Variants in NTRK3 observed in about 807,000 individuals in gnomAD.
NTRK3 encodes the protein NT-3 growth factor receptor.
A neutral mutation model predicts 91.7 loss-of-function variants in NTRK3; 24 were observed. The ratio of observed to expected loss-of-function variants is 0.26; its 90% CI spans 0.19 to 0.37. The LOEUF is 0.37. Ranked by LOEUF, NTRK3 falls within the 10% of genes least tolerant of loss-of-function variation. The pLI, the probability that NTRK3 is intolerant of heterozygous loss-of-function variation, is 1.00. For synonymous variants in NTRK3, 483 were observed against 404.0 expected, an observed-to-expected ratio of 1.20 and a Z score of -2.34; for missense variants, 880 against 1,068.9, an observed-to-expected ratio of 0.82 and a Z score of 2.46.
At chr15:88,015,821 G>C (rs2077195964) in intron 14 of NTRK3, among the ~76,000 whole-genome samples, 2 of 152,110 alleles carry the variant, frequency 1.3e-5, no homozygotes, top group South Asian at 4.1e-4. Context: ...TTATTCTGGA[G>C]TTGGCACTGT....
At chr15:87,994,511 A>G (rs1215946889) in intron 14 of NTRK3, among the ~76,000 whole-genome samples, 1 of 152,204 alleles carries the variant, frequency 6.6e-6, no homozygotes, top group African/African-American at 2.4e-5. Context: ...AAGCTAGAAG[A>G]GGGGCCTGGA....
At chr15:87,991,624 G>A (rs1001692259) in intron 14 of NTRK3, among the ~76,000 whole-genome samples, 1 of 152,052 alleles carries the variant, frequency 6.6e-6, no homozygotes, top group African/African-American at 2.4e-5. Context: ...CTTTCTGACA[G>A]GCCAATTCTC....
At chr15:88,242,353 T>C (rs1227551138) in intron 3 of NTRK3, among the ~76,000 whole-genome samples, 4 of 152,200 alleles carry the variant, frequency 2.6e-5, no homozygotes, top group Admixed American at 1.3e-4. Flanking sequence ...TGTTATCACA[T>C]TCAGTACACC....
intron 13 of NTRK3, among the ~76,000 whole-genome samples, chr15:88,088,945 C>T (rs2048757744): frequency 6.6e-6 from 1 of 152,140 alleles, no homozygotes; most frequent in African/African-American, 2.4e-5. Flanking sequence ...TCTTAGGTTC[C>T]TCTGAGGGTC....
At chr15:88,188,566 G>C (rs888459239) in intron 3 of NTRK3, among the ~76,000 whole-genome samples, 2 of 152,210 alleles carry the variant, frequency 1.3e-5, no homozygotes, top group African/African-American at 2.4e-5. Context: ...ATTAAAGCAA[G>C]AGTCTCATGG....
chr15:88,251,518 G>A (rs1395557027), intron 3 of NTRK3, among the ~76,000 whole-genome samples: 1 of 152,238 alleles, frequency 6.6e-6, no homozygotes, highest in African/African-American at 2.4e-5. Context: ...CCGAGGGGAG[G>A]CTGGAGACCA....
chr15:88,256,625 C>T lies in NTRK3; in HGVS notation c.-219+19G>A. 1 of 460,784 alleles carries T rather than the reference C, an allele frequency of 2.2e-6. No homozygotes were observed. The highest frequency in any genetic ancestry group is 6.5e-5 in the South Asian group (1 of 15,414). The allele number at this position is 460,784 out of a possible 1,614,324, so 28.5% of individuals were successfully genotyped here. A position where few individuals can be genotyped will look rare whatever the true frequency, so the allele number is the denominator to read the frequency against. ...CGCACCTGCAAAACACACACACTCA[C>T]TCTCACACATACACACACCCGGAGC... On this transcript the variant is annotated intron_variant, in intron 1 of 18. Coordinates refer to ENST00000394480, the Ensembl canonical transcript of NTRK3.
chr15:88,083,815 C>G (rs2048267366), intron 13 of NTRK3, among the ~76,000 whole-genome samples: 1 of 152,128 alleles, frequency 6.6e-6, no homozygotes, highest in African/African-American at 2.4e-5. Context: ...AAGAAGGAAC[C>G]TAAGACTTGT....
chr15:88,166,902 C>G (rs2045016711), intron 5 of NTRK3, among the ~76,000 whole-genome samples: 1 of 152,146 alleles, frequency 6.6e-6, no homozygotes, highest in African/African-American at 2.4e-5. Context: ...AATATTTCGT[C>G]TCTTTTTCTC....
At chr15:88,170,195 T>G (rs376775815) in intron 5 of NTRK3, among the ~76,000 whole-genome samples, 3 of 152,166 alleles carry the variant, frequency 2.0e-5, no homozygotes, top group Admixed American at 6.5e-5. Flanking sequence ...TTTGTAGGAC[T>G]CTAAAGCACA....
chr15:88,079,345 G>T (rs192855354), intron 13 of NTRK3, among the ~76,000 whole-genome samples: 1 of 152,286 alleles, frequency 6.6e-6, no homozygotes, highest in African/African-American at 2.4e-5. Flanking sequence ...CTTCCCCAGC[G>T]CACCTGCCAT....
rs118099472 is a variant in NTRK3 at position 87,964,229 on chromosome 15, C to T, written c.1586-23476G>A. ...GAGGTTACTTATCTGGTAATGGTAG[C>T]GGTGCTAGGAACAACTTGCCAATGA... On this transcript the variant is annotated intron_variant, in intron 14 of 18. Transcript: ENST00000394480. Among the ~76,000 whole-genome samples the T allele has an allele frequency of 9.8e-3, 1,485 of 152,014 alleles. 22 individuals carry two copies. Among genetic ancestry groups the T allele is most frequent in the South Asian group, 0.031 (147 of 4,804 alleles).
chr15:87,985,186 A>G (rs1266599549), intron 14 of NTRK3, among the ~76,000 whole-genome samples: 1 of 152,212 alleles, frequency 6.6e-6, no homozygotes, highest in Non-Finnish European at 1.5e-5. Context: ...GGAAGCAAGC[A>G]TGGTCAGAAA....
chr15:87,940,881 TAGCACACC>T lies in NTRK3; in HGVS notation c.1586-136_1586-129del, dbSNP rs2069770650. ...GCCTACAGCAGGCAAAGGCAAACTC[TAGCACACC>T]AGCTTTAGCATAAAAACTGACATCC... On this transcript the variant is annotated intron_variant, in intron 14 of 18. Transcript: ENST00000394480. 10 of 1,207,174 alleles carry T rather than the reference TAGCACACC, an allele frequency of 8.3e-6. No individual in the cohort carries two copies. The South Asian group carries it at 1.2e-4, about 15-fold the overall frequency. 74.8% of individuals were successfully genotyped at this position (1,207,174 alleles called of 1,614,324 possible).
At chr15:88,142,512 A>G (rs1322005426) in intron 6 of NTRK3, among the ~76,000 whole-genome samples, 1 of 152,142 alleles carries the variant, frequency 6.6e-6, no homozygotes, top group African/African-American at 2.4e-5. Flanking sequence ...TCATCACTCT[A>G]GTGGTTTTCT....
At chr15:88,230,054 A>T (rs80330709) in intron 3 of NTRK3, among the ~76,000 whole-genome samples, 1 of 152,208 alleles carries the variant, frequency 6.6e-6, no homozygotes. Context: ...CTGGACTCCA[A>T]TCTAGTTAGT....
intron 5 of NTRK3, among the ~76,000 whole-genome samples, chr15:88,162,714 A>T (rs2044577097): frequency 6.6e-6 from 1 of 152,250 alleles, no homozygotes; most frequent in South Asian, 2.1e-4. Flanking sequence ...TCATCCAAGG[A>T]AAATAATGAG....
intron 16 of NTRK3, among the ~76,000 whole-genome samples, chr15:87,932,659 G>A (rs1317458967): frequency 2.0e-5 from 3 of 152,150 alleles, no homozygotes; most frequent in Admixed American, 6.5e-5. Context: ...AAGGGAGAAA[G>A]CTATTTGCAA....
At chr15:88,005,564 AC>A (rs1309634383) in intron 14 of NTRK3, among the ~76,000 whole-genome samples, 2 of 152,012 alleles carry the variant, frequency 1.3e-5, no homozygotes, top group Non-Finnish European at 2.9e-5. Flanking sequence ...AACTGCCTTG[AC>A]TTGTCTCAAC....
Sources: allele counts gnomAD v4.1 joint callset (sites outside exome capture counted in the v4.1 genomes callset), GRCh38; gene constraint gnomAD v4.1.1; transcripts MANE v1.5; gene names NCBI Gene and HGNC (gene_info 2026-07-23, HGNC 2026-07-21).